The following P3H2 variants were observed in gnomAD, a reference collection of about 807,000 sequenced individuals.
The protein encoded by P3H2 is prolyl 3-hydroxylase 2.
Under a neutral mutation model 87.0 loss-of-function variants are expected in P3H2, and 80 were observed. The ratio of observed to expected loss-of-function variants is 0.92; its 90% CI spans 0.77 to 1.11. P3H2 has a LOEUF of 1.11. P3H2 is among the 50% of genes least tolerant of loss of function. The probability of loss-of-function intolerance (pLI) is 0.00; values close to 1 mark genes in which losing one functional copy is unlikely to be tolerated. For missense variants in P3H2, 1,001 were observed against 923.9 expected (o/e 1.08, Z -1.08); for synonymous variants, 367 against 359.3 (o/e 1.02, Z -0.24).
In P3H2 at chr3:190,111,960, T is replaced by C. The variant is rs188989895; in HGVS notation, c.480+8292A>G. On this transcript the variant is annotated intron_variant, in intron 1 of 14. Transcript: ENST00000319332. ...GTAAAACTTGCTGAAATCGTTAATG[T>C]CCCTAGGGTTAAGTCACTTTATCAT... Among the ~76,000 whole-genome samples the C allele has an allele frequency of 3.1e-3, 470 of 152,334 alleles. 5 individuals carry two copies. Among genetic ancestry groups the C allele is most frequent in the African/African-American group, 0.011 (455 of 41,562 alleles).
At chr3:190,034,065 G>A (rs923714355) in intron 1 of P3H2, among the ~76,000 whole-genome samples, 2 of 152,088 alleles carry the variant, frequency 1.3e-5, no homozygotes, top group Admixed American at 6.5e-5. Context: ...ATATTCAGAC[G>A]GAACACGATG....
chr3:189,990,671 T>C (rs1723849404), intron 3 of P3H2, among the ~76,000 whole-genome samples: 1 of 152,214 alleles, frequency 6.6e-6, no homozygotes, highest in Non-Finnish European at 1.5e-5. Context: ...TTCTAATACA[T>C]TTGCTATTTA....
chr3:189,978,047 C>G (rs1255979832), intron 8 of P3H2, among the ~76,000 whole-genome samples: 1 of 152,156 alleles, frequency 6.6e-6, no homozygotes, highest in African/African-American at 2.4e-5. Flanking sequence ...GAAAAGTGAA[C>G]TGTATATTCC....
At chr3:190,016,268 A>C (rs1724750682) in intron 1 of P3H2, among the ~76,000 whole-genome samples, 1 of 152,082 alleles carries the variant, frequency 6.6e-6, no homozygotes. Flanking sequence ...TTTGAGATGG[A>C]GTTTCACTCT....
intron 1 of P3H2, among the ~76,000 whole-genome samples, chr3:189,998,749 G>A (rs1724123996): frequency 6.6e-6 from 1 of 152,202 alleles, no homozygotes; most frequent in South Asian, 2.1e-4. Flanking sequence ...TATGCTTCAT[G>A]AATTATAAGG....
At chr3:190,038,694 C>T (rs916794404) in intron 1 of P3H2, among the ~76,000 whole-genome samples, 10 of 152,212 alleles carry the variant, frequency 6.6e-5, no homozygotes, top group Middle Eastern at 3.4e-3. Flanking sequence ...CTGCAGAGGC[C>T]ATTTATTTCA....
intron 1 of P3H2, among the ~76,000 whole-genome samples, chr3:190,004,581 A>T (rs1029134707): frequency 1.5e-3 from 232 of 151,804 alleles, no homozygotes; most frequent in African/African-American, 5.5e-3. Flanking sequence ...ACGGGGTTTC[A>T]CCGTCTTAGC....
chr3:190,050,903 T>C (rs1725961606), intron 1 of P3H2, among the ~76,000 whole-genome samples: 1 of 152,184 alleles, frequency 6.6e-6, no homozygotes. Flanking sequence ...GTAAATTGTT[T>C]CACAAACCTA....
chr3:190,030,221 C>T (rs546625340), intron 1 of P3H2, among the ~76,000 whole-genome samples: 8 of 151,974 alleles, frequency 5.3e-5, no homozygotes, highest in Non-Finnish European at 1.2e-4. Flanking sequence ...TGTGTCATAG[C>T]TACATGAAAA....
chr3:190,104,697 G>A (rs918218976), intron 1 of P3H2, among the ~76,000 whole-genome samples: 26 of 115,074 alleles, frequency 2.3e-4, no homozygotes, highest in African/African-American at 6.3e-4. Flanking sequence ...TTCCTAGCAC[G>A]GATGTCCTGA....
chr3:190,077,726 T>C (rs1726915885), intron 1 of P3H2, among the ~76,000 whole-genome samples: 1 of 152,220 alleles, frequency 6.6e-6, no homozygotes, highest in Non-Finnish European at 1.5e-5. Flanking sequence ...TTAATACAGT[T>C]ATTACATTAT....
At chr3:190,027,002 C>A (rs940756163) in intron 1 of P3H2, among the ~76,000 whole-genome samples, 2 of 152,116 alleles carry the variant, frequency 1.3e-5, no homozygotes, top group Non-Finnish European at 2.9e-5. Context: ...TTCTACAATA[C>A]GAGCCAAGCA....
At chr3:190,029,491 T>C (rs79275785) in intron 1 of P3H2, among the ~76,000 whole-genome samples, 2,641 of 152,270 alleles carry the variant, frequency 0.017, 66 homozygotes, top group African/African-American at 0.059. Flanking sequence ...AGGAAATTGG[T>C]GACTTTCTTT....
chr3:190,113,917 A>C (rs947486753), intron 1 of P3H2, among the ~76,000 whole-genome samples: 4 of 151,764 alleles, frequency 2.6e-5, no homozygotes, highest in African/African-American at 4.8e-5. Flanking sequence ...CTCTACTAAA[A>C]ATACAAAAAG....
intron 1 of P3H2, among the ~76,000 whole-genome samples, chr3:190,117,023 A>G (rs1214905059): frequency 1.3e-5 from 2 of 152,166 alleles, no homozygotes; most frequent in Non-Finnish European, 2.9e-5. Context: ...GCCCTGGGGT[A>G]TGCAGCATTC....
At chr3:190,048,079 G>C (rs1242515017) in intron 1 of P3H2, among the ~76,000 whole-genome samples, 1 of 152,150 alleles carries the variant, frequency 6.6e-6, no homozygotes, top group Non-Finnish European at 1.5e-5. Flanking sequence ...AAGGACTGTT[G>C]AATACAGAAG....
At chr3:190,015,911 T>C (rs1361801062) in intron 1 of P3H2, among the ~76,000 whole-genome samples, 2 of 151,988 alleles carry the variant, frequency 1.3e-5, no homozygotes, top group Admixed American at 6.6e-5. Flanking sequence ...GTGGAGAAAT[T>C]TGTGCATGTG....
Position 190,021,927 on chromosome 3 carries a change from G to T in P3H2, c.481-26485C>A, listed in dbSNP as rs1051616026. On this transcript the variant is annotated intron_variant, in intron 1 of 14. Transcript: ENST00000319332. Reference sequence around the variant, plus strand: ...TTTCTCTAATGTAACTGACATTACAGGACAGTTCTTAAAAGCTGTCAGTGA... The same window carrying T: ...TTTCTCTAATGTAACTGACATTACATGACAGTTCTTAAAAGCTGTCAGTGA... 3.0e-5 allele frequency among the ~76,000 whole-genome samples: 4 copies of T among 134,950 alleles called. 1 individual carries two copies. The highest frequency in any genetic ancestry group is 3.7e-3 in the Middle Eastern group (1 of 270). 88.5% of individuals were successfully genotyped at this position (134,950 alleles called of 152,430 possible). A position where few individuals can be genotyped will look rare whatever the true frequency, so the allele number is the denominator to read the frequency against.
At chr3:190,054,950 A>C (rs949939113) in intron 1 of P3H2, among the ~76,000 whole-genome samples, 2 of 152,130 alleles carry the variant, frequency 1.3e-5, no homozygotes, top group African/African-American at 4.8e-5. Flanking sequence ...ATTCTCCAAG[A>C]ATCTATCCAT....
Sources: allele counts gnomAD v4.1 joint callset (sites outside exome capture counted in the v4.1 genomes callset), GRCh38; gene constraint gnomAD v4.1.1; transcripts MANE v1.5; gene names NCBI Gene and HGNC (gene_info 2026-07-23, HGNC 2026-07-21).